The following USP16 variants were observed in gnomAD, a reference collection of about 807,000 sequenced individuals.
USP16 encodes the protein ubiquitin specific peptidase 16.
In USP16, 77 loss-of-function variants were observed where a neutral mutation model predicts 95.9. The observed-to-expected ratio is 0.80, with a 90% confidence interval of 0.67 to 0.97. The LOEUF (loss-of-function observed/expected upper bound fraction) is 0.97. Ranked by LOEUF, USP16 falls within the 50% of genes least tolerant of loss-of-function variation. USP16 has a pLI of 0.00. For missense variants in USP16, 943 were observed against 959.9 expected, an observed-to-expected ratio of 0.98 and a Z score of 0.23; for synonymous variants, 303 against 318.2, an observed-to-expected ratio of 0.95 and a Z score of 0.51.
At chr21:29,034,250 T>C (rs1010305096) in intron 3 of USP16, among the ~76,000 whole-genome samples, 1 of 152,092 alleles carries the variant, frequency 6.6e-6, no homozygotes, top group Non-Finnish European at 1.5e-5. Context: ...TTAGTGTGGT[T>C]TAATCTGGGC....
At position 29,039,581 on chromosome 21, in the gene USP16, T is replaced by C. The variant is rs762206864; in HGVS notation, c.951+13T>C. The C allele has an allele frequency of 5.0e-6, 8 of 1,608,836 alleles. No homozygotes were observed. In the Admixed American group the frequency reaches 6.7e-5, roughly 13 times the overall value. On this transcript the variant is annotated intron_variant, in intron 9 of 17. Coordinates refer to ENST00000399976, the MANE Select transcript of USP16 (RefSeq NM_006447.3). The stretch of plus-strand genomic sequence containing the variant: ...AGAAGAACACCAAGTTAGCATGTTA[T>C]GACCATTGTATTTTATGATCTTATC...
intron 13 of USP16, among the ~76,000 whole-genome samples, chr21:29,045,075 C>T (rs978774723): frequency 2.0e-5 from 3 of 152,132 alleles, no homozygotes; most frequent in Non-Finnish European, 2.9e-5. Flanking sequence ...TTTTATTTTA[C>T]ATTTATTTTA....
In USP16 at chr21:29,024,716, G is replaced by A. The variant is rs573262451; in HGVS notation, c.-103G>A. 1.6e-6 allele frequency: 2 copies of A among 1,289,282 alleles called. No individual in the cohort carries two copies. The highest frequency in any genetic ancestry group is 3.0e-5 in the African/African-American group (2 of 65,882). 79.9% of individuals were successfully genotyped at this position (1,289,282 alleles called of 1,614,324 possible). On this transcript the variant is annotated 5_prime_UTR_variant, in exon 1 of 18. Transcript: ENST00000399976. ...CTCAATTCGTCACCAGGAGGAAGAC[G>A]GAGCTGGCTGCCCAGCCCAAAGGCC...
chr21:29,027,955 T>C lies in USP16; in HGVS notation c.42T>C (p.Asp14=). 3 of 1,613,236 alleles carry C rather than the reference T, an allele frequency of 1.9e-6. No individual in the cohort carries two copies. Among genetic ancestry groups the C allele is most frequent in the Non-Finnish European group, 2.5e-6 (3 of 1,179,390 alleles). The change falls in exon 2 of 18, where the codon GAT becomes GAC. Residue 14 remains aspartate (D), a synonymous_variant. Coordinates refer to ENST00000399976, the MANE Select transcript of USP16 (RefSeq NM_006447.3). The part of the protein sequence containing the change: ...KRTKGKTVPI[D]DSSETLEPVC... ...CAAAGGGAAAAACTGTTCCAATCGA[T>C]GATTCCTCTGAAACTTTAGGTATAT...
At chr21:29,034,736 G>A in intron 3 of USP16, 101 bp from the exon 4 acceptor site, 3 of 1,067,452 alleles carry the variant, frequency 2.8e-6, no homozygotes, top group South Asian at 1.5e-5. Context: ...TGTAAGAATG[G>A]CAGAATTTCA....
intron 1 of USP16, 120 bp downstream of exon 1, chr21:29,024,897 AC>A (rs2084962563): frequency 1.9e-6 from 2 of 1,058,556 alleles, no homozygotes; most frequent in Non-Finnish European, 2.4e-6. Context: ...TAAGCACGTA[AC>A]CCGGCTACTT....
chr21:29,042,540 G>T lies in USP16; in HGVS notation c.1179+12G>T. 6.3e-7 allele frequency: 1 copy of T among 1,586,448 alleles called. No homozygotes were observed. Among genetic ancestry groups the T allele is most frequent in the Non-Finnish European group, 8.5e-7 (1 of 1,169,986 alleles). On this transcript the variant is annotated intron_variant, in intron 12 of 17. Coordinates refer to ENST00000399976, the MANE Select transcript of USP16 (RefSeq NM_006447.3). ...TTTTAGATGATCAGGTAAGACTATT[G>T]AATTTATTTTATTCAAGTAGATTTT...
At chr21:29,042,393 T>A in intron 11 of USP16, 79 bp from the exon 12 acceptor site, 9 of 1,370,034 alleles carry the variant, frequency 6.6e-6, no homozygotes, top group Non-Finnish European at 9.1e-6. Context: ...CTACTCCCCA[T>A]CCCACAGGGC....
rs539078030 is a variant in USP16 at position 29,047,324 on chromosome 21, A to G, written c.2011+3A>G. 6.2e-7 allele frequency: 1 copy of G among 1,600,484 alleles called. No homozygotes were observed. The highest frequency in any genetic ancestry group is 2.2e-5 in the East Asian group (1 of 44,732). ...TGGACCAAAGGCAAATATAAAAGGT[A>G]TTTTAATGCTCTCACTGTAAGTAAA... On this transcript the variant is annotated splice_donor_region_variant and intron_variant, in intron 14 of 17. Coordinates refer to ENST00000399976, the MANE Select transcript of USP16 (RefSeq NM_006447.3).
At chr21:29,030,515 A>G (rs1451083408) in intron 2 of USP16, 80 bp from the exon 3 acceptor site, 2 of 1,259,134 alleles carry the variant, frequency 1.6e-6, no homozygotes, top group Non-Finnish European at 2.1e-6. Context: ...TGAAATGTGA[A>G]TCGAGGGTAA....
In USP16 at chr21:29,038,337, C is replaced by A; in HGVS notation, c.639C>A (p.Asn213Lys). 1 of 1,602,114 alleles carries A rather than the reference C, an allele frequency of 6.2e-7. No individual in the cohort carries two copies. The highest frequency in any genetic ancestry group is 8.5e-7 in the Non-Finnish European group (1 of 1,172,682). The change falls in exon 7 of 18, where the codon AAC becomes AAA. Residue 213 changes from asparagine (N) to lysine (K), a missense_variant and splice_region_variant. Transcript: ENST00000399976. ...NTCFFNAVMQ[N>K]LSQTPVLREL... The stretch of plus-strand genomic sequence containing the variant: ...TTTTTTTTCACCCTACATTCTAGAA[C>A]TTGTCACAAACACCAGTGCTTAGAG...
At chr21:29,031,357 A>G (rs2085074039) in intron 3 of USP16, among the ~76,000 whole-genome samples, 1 of 152,148 alleles carries the variant, frequency 6.6e-6, no homozygotes, top group Admixed American at 6.5e-5. Flanking sequence ...TAGTGGTGGC[A>G]AGTTAAGCTT....
In USP16 at chr21:29,043,443, T is replaced by C. The variant is rs1422133649; in HGVS notation, c.1200T>C (p.Asn400=). 2.6e-6 allele frequency: 4 copies of C among 1,542,902 alleles called. No homozygotes were observed. The highest frequency in any genetic ancestry group is 3.5e-6 in the Non-Finnish European group (4 of 1,152,264). ...TTAAGAGTGGTAAGAAAAGTGTAAA[T>C]GATAAAAATCTGAAAAAGACAGTGG... The part of the protein sequence containing the change: ...LDDQSGKKSV[N]DKNLKKTVED... The change falls in exon 13 of 18, where the codon AAT becomes AAC. Residue 400 remains asparagine (N), a synonymous_variant. Coordinates refer to ENST00000399976, the MANE Select transcript of USP16 (RefSeq NM_006447.3).
In USP16 at chr21:29,050,080, C is replaced by G; in HGVS notation, c.2107-12C>G. 1 of 1,607,410 alleles carries G rather than the reference C, an allele frequency of 6.2e-7. No homozygotes were observed. On this transcript the variant is annotated splice_polypyrimidine_tract_variant and intron_variant, in intron 15 of 17. Transcript: ENST00000399976. Reference sequence around the variant, plus strand: ...CAAGAAAAGAAGTCAATCTGTTATGCTTCTCTTTTAGGCTGGTTTTAACCT... The same window carrying G: ...CAAGAAAAGAAGTCAATCTGTTATGGTTCTCTTTTAGGCTGGTTTTAACCT...
At chr21:29,026,539 T>C (rs1363618904) in intron 1 of USP16, 1 of 114,640 alleles carries the variant, frequency 8.7e-6, no homozygotes, top group African/African-American at 3.5e-5. Context: ...CATTTTACCT[T>C]TTTTTTTTTT....
intron 13 of USP16, among the ~76,000 whole-genome samples, chr21:29,044,767 CTTTCTTTT>C (rs1173864586): frequency 6.6e-6 from 1 of 151,932 alleles, no homozygotes; most frequent in African/African-American, 2.4e-5. Flanking sequence ...TTCTTTCTTT[CTTTCTTTT>C]TTTTAACAGT....
chr21:29,031,751 T>C (rs1356992199), intron 3 of USP16, among the ~76,000 whole-genome samples: 1 of 152,212 alleles, frequency 6.6e-6, no homozygotes, highest in African/African-American at 2.4e-5. Flanking sequence ...GATTTTTTGT[T>C]TTTTCACGTT....
intron 13 of USP16, among the ~76,000 whole-genome samples, chr21:29,043,829 G>A (rs1285199212): frequency 6.6e-6 from 1 of 152,040 alleles, no homozygotes; most frequent in Non-Finnish European, 1.5e-5. Flanking sequence ...CTTGTAACAA[G>A]TATTTGTAGT....
At chr21:29,030,324 CA>C (rs553947828) in intron 2 of USP16, among the ~76,000 whole-genome samples, 221 of 152,078 alleles carry the variant, frequency 1.5e-3, no homozygotes, top group Non-Finnish European at 1.6e-3. Context: ...AGGAAATAGC[CA>C]AATAAATTGA....
Sources: allele counts gnomAD v4.1 joint callset (sites outside exome capture counted in the v4.1 genomes callset), GRCh38; gene constraint gnomAD v4.1.1; transcripts MANE v1.5; gene names NCBI Gene and HGNC (gene_info 2026-07-23, HGNC 2026-07-21).